Variants in PRKCE observed in about 807,000 individuals in gnomAD.
PRKCE encodes protein kinase C epsilon type.
PRKCE carries 16 observed loss-of-function variants against 85.4 expected under a neutral mutation model. The ratio of observed to expected loss-of-function variants is 0.19; its 90% CI spans 0.13 to 0.28. PRKCE has a LOEUF of 0.28. PRKCE is among the 10% of genes least tolerant of loss of function. The pLI is 1.00. For synonymous variants in PRKCE, 388 were observed against 371.5 expected (o/e 1.04, Z -0.51); for missense variants, 573 against 975.2 (o/e 0.59, Z 5.49).
At chr2:45,776,098 C>T (rs4952772) in intron 1 of PRKCE, among the ~76,000 whole-genome samples, 80,800 of 152,146 alleles carry the variant, frequency 0.53, 23,940 homozygotes, top group East Asian at 0.76. Flanking sequence ...TTCTGTAGTG[C>T]AGAGTATGTA....
At chr2:46,132,684 G>T (rs574885176) in intron 11 of PRKCE, among the ~76,000 whole-genome samples, 1 of 152,062 alleles carries the variant, frequency 6.6e-6, no homozygotes, top group African/African-American at 2.4e-5. Context: ...CTTCTTATTG[G>T]CATATATGCA....
intron 1 of PRKCE, among the ~76,000 whole-genome samples, chr2:45,729,782 C>T (rs1681408418): frequency 6.6e-6 from 1 of 152,088 alleles, no homozygotes; most frequent in Admixed American, 6.6e-5. Flanking sequence ...CAGAGTGGGT[C>T]CAGACTGCTC....
chr2:45,751,517 C>T (rs926869324), intron 1 of PRKCE, among the ~76,000 whole-genome samples: 2 of 152,004 alleles, frequency 1.3e-5, no homozygotes. Context: ...GGTTTCTCAA[C>T]AGTTCCTATG....
chr2:46,111,397 C>G (rs1597158), intron 11 of PRKCE, among the ~76,000 whole-genome samples: 1 of 151,862 alleles, frequency 6.6e-6, no homozygotes, highest in Non-Finnish European at 1.5e-5. Flanking sequence ...GGTTTTTAGT[C>G]TATTCAAGCA....
At chr2:45,906,950 T>C (rs575076411) in intron 2 of PRKCE, among the ~76,000 whole-genome samples, 25 of 152,196 alleles carry the variant, frequency 1.6e-4, no homozygotes, top group Admixed American at 3.9e-4. Flanking sequence ...AGGAGCTGCA[T>C]TGTGAGTGTG....
chr2:45,887,346 T>C (rs1442147065), intron 2 of PRKCE, among the ~76,000 whole-genome samples: 2 of 152,216 alleles, frequency 1.3e-5, no homozygotes, highest in Non-Finnish European at 2.9e-5. Context: ...AGATCATCCT[T>C]GCTGGAACAC....
intron 1 of PRKCE, among the ~76,000 whole-genome samples, chr2:45,671,033 A>T (rs1572896706): frequency 6.6e-6 from 1 of 152,222 alleles, no homozygotes; most frequent in Admixed American, 6.5e-5. Flanking sequence ...CTGTAATACA[A>T]GGCGGGTTTC....
At chr2:46,079,624 TC>T (rs889698220) in intron 10 of PRKCE, among the ~76,000 whole-genome samples, 9 of 152,248 alleles carry the variant, frequency 5.9e-5, no homozygotes, top group Non-Finnish European at 8.8e-5. Flanking sequence ...TATGGGCTGT[TC>T]CAAGCCTGGT....
At chr2:45,833,965 C>T (rs1690644345) in intron 1 of PRKCE, among the ~76,000 whole-genome samples, 1 of 152,206 alleles carries the variant, frequency 6.6e-6, no homozygotes. Context: ...ACACACTCTC[C>T]ACATTAGTTT....
chr2:45,680,901 C>T (rs1404409208), intron 1 of PRKCE, among the ~76,000 whole-genome samples: 1 of 152,150 alleles, frequency 6.6e-6, no homozygotes, highest in East Asian at 1.9e-4. Flanking sequence ...TATTGACTAC[C>T]TACTGTGTTC....
intron 2 of PRKCE, among the ~76,000 whole-genome samples, chr2:45,888,613 G>A (rs551709365): frequency 6.6e-6 from 1 of 151,978 alleles, no homozygotes; most frequent in African/African-American, 2.4e-5. Context: ...ACCATGCCTA[G>A]CTAATTTTTG....
chr2:46,134,410 T>C (rs989507440), intron 11 of PRKCE, among the ~76,000 whole-genome samples: 1 of 152,174 alleles, frequency 6.6e-6, no homozygotes, highest in African/African-American at 2.4e-5. Flanking sequence ...TAGAAGGCCA[T>C]GGGGGACCAC....
At chr2:45,949,100 A>T (rs1010813443) in intron 2 of PRKCE, among the ~76,000 whole-genome samples, 1 of 152,170 alleles carries the variant, frequency 6.6e-6, no homozygotes, top group Non-Finnish European at 1.5e-5. Flanking sequence ...AAGTGTGCAA[A>T]TCTCTCTAAG....
At chr2:46,162,069 C>T (rs1442783003) in intron 14 of PRKCE, among the ~76,000 whole-genome samples, 1 of 152,118 alleles carries the variant, frequency 6.6e-6, no homozygotes, top group Non-Finnish European at 1.5e-5. Context: ...GCAGGCATTG[C>T]CTTGCCTCAG....
At chr2:46,162,071 T>G (rs1444653848) in intron 14 of PRKCE, among the ~76,000 whole-genome samples, 2 of 152,140 alleles carry the variant, frequency 1.3e-5, no homozygotes, top group East Asian at 3.9e-4. Flanking sequence ...AGGCATTGCC[T>G]TGCCTCAGAC....
chr2:45,923,321 T>G (rs1332639455), intron 2 of PRKCE, among the ~76,000 whole-genome samples: 1 of 152,120 alleles, frequency 6.6e-6, no homozygotes, highest in Non-Finnish European at 1.5e-5. Context: ...GAGTGTGGAG[T>G]ATGTAACCAG....
intron 2 of PRKCE, among the ~76,000 whole-genome samples, chr2:45,925,809 G>T (rs139796433): frequency 6.6e-6 from 1 of 152,208 alleles, no homozygotes; most frequent in African/African-American, 2.4e-5. Flanking sequence ...TTCAATCATC[G>T]TGGGCTGGGC....
chr2:45,858,651 G>A (rs930849698), intron 2 of PRKCE, among the ~76,000 whole-genome samples: 1 of 152,086 alleles, frequency 6.6e-6, no homozygotes, highest in Non-Finnish European at 1.5e-5. Flanking sequence ...CTTAAATTTT[G>A]TATTATTTTC....
rs370654499 is a variant in PRKCE, at chr2:46,159,666, G to A, written c.1981G>A (p.Ala661Thr). Residue 661 changes from alanine to threonine, a missense_variant, in exon 14 of 15, where the codon GCC becomes ACC. Coordinates refer to ENST00000306156, the MANE Select transcript of PRKCE (RefSeq NM_005400.3). This position sits in a 1 kb window ranked among gnomAD's most constrained non-coding sequence, Gnocchi z 4.1. ...GCVASQNGEDAIKQHPFFKEI... is the reference protein window; with the variant it reads ...GCVASQNGEDTIKQHPFFKEI... Reference sequence around the variant, plus strand: ...TGTGGCATCGCAGAATGGCGAGGACGCCATCAAGCAGCACCCATTCTTCAA... The same window carrying A: ...TGTGGCATCGCAGAATGGCGAGGACACCATCAAGCAGCACCCATTCTTCAA... The A allele has an allele frequency of 1.7e-5, 27 of 1,599,410 alleles. No homozygotes were observed. The highest frequency in any genetic ancestry group is 2.1e-5 in the Non-Finnish European group (25 of 1,179,842).
Sources: gnomAD v4.1 joint callset for allele counts (sites outside exome capture counted in the v4.1 genomes callset) on GRCh38, gnomAD v4.1.1 for gene constraint, Gnocchi (gnomAD v3.1) non-coding constraint, MANE v1.5 for transcripts, NCBI Gene and HGNC (gene_info 2026-07-23, HGNC 2026-07-21) for gene names.